Variants in PTTG1 observed in about 807,000 individuals in gnomAD.
PTTG1 encodes securin.
PTTG1 carries 8 observed loss-of-function variants against 20.0 expected under a neutral mutation model. The observed-to-expected ratio is 0.40, with a 90% confidence interval of 0.23 to 0.72. The LOEUF is 0.72. PTTG1 is among the 30% of genes least tolerant of loss of function. The pLI, the probability that PTTG1 is intolerant of heterozygous loss-of-function variation, is 0.38. For missense variants in PTTG1, 197 were observed against 236.0 expected (o/e 0.83, Z 1.08); for synonymous variants, 79 against 87.2 (o/e 0.91, Z 0.52).
chr5:160,428,136 A>G (rs1255702283), intron 5 of PTTG1, among the ~76,000 whole-genome samples: 1 of 152,244 alleles, frequency 6.6e-6, no homozygotes, highest in Non-Finnish European at 1.5e-5. Flanking sequence ...TTCTTAGGCT[A>G]TAAGTTGAAG....
intron 4 of PTTG1, among the ~76,000 whole-genome samples, chr5:160,426,931 G>A (rs59022395): frequency 0.081 from 12,338 of 152,100 alleles, 1,309 homozygotes; most frequent in African/African-American, 0.23. Flanking sequence ...AATCCCAGCT[G>A]CTTGGGAGAC....
At chr5:160,424,207 A>G (rs748781423) in intron 3 of PTTG1, 30 bp from the exon 4 acceptor site, 1 of 1,520,048 alleles carries the variant, frequency 6.6e-7, no homozygotes, top group Non-Finnish European at 9.1e-7. Context: ...TTCCACTGTC[A>G]CTAACCCATA....
At chr5:160,426,214 A>T (rs1310721732) in intron 4 of PTTG1, among the ~76,000 whole-genome samples, 1 of 151,698 alleles carries the variant, frequency 6.6e-6, no homozygotes, top group Non-Finnish European at 1.5e-5. Context: ...ATTAATGTAA[A>T]TTTTTTTTTA....
chr5:160,424,251 T>C lies in PTTG1; in HGVS notation c.291T>C (p.Thr97=), dbSNP rs1405689749. The change falls in exon 4 of 6, where the codon ACT becomes ACC. Residue 97 remains threonine (T), a synonymous_variant. Coordinates refer to ENST00000352433, the MANE Select transcript of PTTG1 (RefSeq NM_004219.4). The stretch of plus-strand genomic sequence containing the variant: ...GGCTGTTCTAGATGACTGAGAAGAC[T>C]GTTAAAGCAAAAAGCTCTGTTCCTG... ...SFSAKKMTEK[T]VKAKSSVPAS... 3 of 1,611,008 alleles carry C rather than the reference T, an allele frequency of 1.9e-6. No individual in the cohort carries two copies. Among genetic ancestry groups the C allele is most frequent in the African/African-American group, 1.3e-5 (1 of 74,826 alleles).
rs533149140 is a variant in PTTG1 at position 160,422,048 on chromosome 5, G to A, written c.-12+157G>A. 19 of 344,602 alleles carry A rather than the reference G, an allele frequency of 5.5e-5. No homozygotes were observed. In the South Asian group the frequency reaches 6.7e-4, roughly 12 times the overall value. The allele number at this position is 344,602 out of a possible 1,614,324, so 21.3% of individuals were successfully genotyped here. On this transcript the variant is annotated intron_variant, in intron 1 of 5. Transcript: ENST00000352433. ...GCCCGTTTGAGCGTGGTCTCGGACT[G>A]CTAACTGGACCAACGGCAACTGTCT...
rs751273574 is a variant in PTTG1 at position 160,427,750 on chromosome 5, A to G, written c.406A>G (p.Ile136Val). 1.2e-6 allele frequency: 2 copies of G among 1,614,108 alleles called. No homozygotes were observed. Among genetic ancestry groups the G allele is most frequent in the Non-Finnish European group, 1.7e-6 (2 of 1,180,010 alleles). The change falls in exon 5 of 6, where the codon ATT (isoleucine) becomes GTT (valine). Residue 136 changes from isoleucine (I) to valine (V), a missense_variant. Coordinates refer to ENST00000352433, the MANE Select transcript of PTTG1 (RefSeq NM_004219.4). ...ESFDLPEEHQ[I>V]AHLPLSGVPL... ...TTTTGACCTGCCTGAAGAGCACCAG[A>G]TTGCGCACCTCCCCTTGAGTGGAGT...
At chr5:160,422,490 A>G (rs930365571) in intron 2 of PTTG1, 87 bp downstream of exon 2, 12 of 1,235,650 alleles carry the variant, frequency 9.7e-6, no homozygotes, top group South Asian at 3.7e-5. Context: ...TTTTTGGGCA[A>G]TTGGAGTCGT....
intron 1 of PTTG1, 51 bp from the exon 2 acceptor site, chr5:160,422,251 C>G: frequency 7.3e-7 from 1 of 1,377,590 alleles, no homozygotes; most frequent in Non-Finnish European, 1.0e-6. Flanking sequence ...GTTGCTATAC[C>G]TTTGCTTCTC....
At chr5:160,424,153 C>A in intron 3 of PTTG1, 84 bp from the exon 4 acceptor site, 1 of 912,880 alleles carries the variant, frequency 1.1e-6, no homozygotes, top group Non-Finnish European at 1.7e-6. Context: ...TCTTAGAAGG[C>A]AGCATGAAAT....
rs78994546 is a variant in PTTG1 at position 160,422,562 on chromosome 5, T to C, written c.92-147T>C. 3.5e-3 allele frequency: 3,503 copies of C among 1,012,636 alleles called. 107 individuals carry two copies. In the African/African-American group the frequency reaches 0.05, roughly 14 times the overall value. The allele number at this position is 1,012,636 out of a possible 1,614,324, so 62.7% of individuals were successfully genotyped here. ...GAGATGATTTAAGGAAGTTACTGAA[T>C]CTCTGCTATTAGGCCTATCATAGCC... On this transcript the variant is annotated intron_variant, in intron 2 of 5. Transcript: ENST00000352433.
chr5:160,422,923 A>G (rs372093781), intron 3 of PTTG1, 30 bp downstream of exon 3: 42 of 1,606,104 alleles, frequency 2.6e-5, no homozygotes, highest in Non-Finnish European at 3.5e-5. Flanking sequence ...ACACTGTTTA[A>G]ACACTTAAGC....
At chr5:160,427,447 AACT>A (rs148478346) in intron 4 of PTTG1, among the ~76,000 whole-genome samples, 12,274 of 152,152 alleles carry the variant, frequency 0.081, 1,269 homozygotes, top group African/African-American at 0.23. Context: ...GGCATTTTTA[AACT>A]ACAAGCGAAG....
In PTTG1 at chr5:160,427,815, G is replaced by C; in HGVS notation, c.471G>C (p.Lys157Asn). The C allele has an allele frequency of 6.2e-7, 1 of 1,614,156 alleles. No individual in the cohort carries two copies. The highest frequency in any genetic ancestry group is 8.5e-7 in the Non-Finnish European group (1 of 1,180,020). Residue 157 changes from lysine to asparagine, a missense_variant, in exon 5 of 6, where the codon AAG becomes AAC. Lys to Asn is a moderately conservative substitution (Grantham distance 94). Transcript: ENST00000352433. ...TTGACGAGGAGAGAGAGCTTGAAAA[G>C]CTGTTTCAGCTGGGCCCCCCTTCAC... ...MILDEERELE[K>N]LFQLGPPSPV...
At position 160,422,658 on chromosome 5, in the gene PTTG1, G is replaced by C. The variant is rs80144069; in HGVS notation, c.92-51G>C. On this transcript the variant is annotated intron_variant, in intron 2 of 5. Coordinates refer to ENST00000352433, the MANE Select transcript of PTTG1 (RefSeq NM_004219.4). ...AGTTTATATACACAGTATTTAAGTT[G>C]TACAGGTATTTTGCTGCTGGAATAT... 7.7e-4 allele frequency: 1,233 copies of C among 1,593,150 alleles called. 6 individuals carry two copies. The African/African-American group carries it at 0.012, about 15-fold the overall frequency.
At chr5:160,427,052 T>G (rs74650640) in intron 4 of PTTG1, among the ~76,000 whole-genome samples, 1 of 151,250 alleles carries the variant, frequency 6.6e-6, no homozygotes, top group Non-Finnish European at 1.5e-5. Context: ...AAAAAAAAAA[T>G]ATTCATTTTT....
chr5:160,428,565 T>G (rs1765853188), intron 5 of PTTG1, 37 bp from the exon 6 acceptor site: 4 of 1,566,102 alleles, frequency 2.6e-6, no homozygotes, highest in Non-Finnish European at 3.5e-6. Flanking sequence ...GACTCAAGGA[T>G]TTGCAGAAAT....
At chr5:160,423,999 A>G (rs985702821) in intron 3 of PTTG1, among the ~76,000 whole-genome samples, 1 of 152,206 alleles carries the variant, frequency 6.6e-6, no homozygotes, top group African/African-American at 2.4e-5. Context: ...CTCTGAATTA[A>G]CTGCATTCTT....
intron 4 of PTTG1, among the ~76,000 whole-genome samples, chr5:160,425,902 T>C (rs1029366829): frequency 6.6e-6 from 1 of 152,222 alleles, no homozygotes; most frequent in Non-Finnish European, 1.5e-5. Context: ...AGGAAAACCA[T>C]GATTTTCTAA....
At position 160,427,755 on chromosome 5, in the gene PTTG1, G is replaced by A. The variant is rs370650306; in HGVS notation, c.411G>A (p.Ala137=). The stretch of plus-strand genomic sequence containing the variant: ...ACCTGCCTGAAGAGCACCAGATTGC[G>A]CACCTCCCCTTGAGTGGAGTGCCTC... The part of the protein sequence containing the change: ...SFDLPEEHQI[A]HLPLSGVPLM... The change falls in exon 5 of 6, where the codon GCG becomes GCA. Residue 137 remains alanine, a synonymous_variant. Coordinates refer to ENST00000352433, the MANE Select transcript of PTTG1 (RefSeq NM_004219.4). The A allele has an allele frequency of 4.6e-5, 75 of 1,614,118 alleles. 1 individual carries two copies. Among genetic ancestry groups the A allele is most frequent in the Middle Eastern group, 1.7e-4 (1 of 6,060 alleles).
Sources: allele counts gnomAD v4.1 joint callset (sites outside exome capture counted in the v4.1 genomes callset), GRCh38; gene constraint gnomAD v4.1.1; transcripts MANE v1.5; gene names NCBI Gene and HGNC (gene_info 2026-07-23, HGNC 2026-07-21).